Variants in PDE10A observed in about 807,000 individuals in gnomAD.
PDE10A encodes the protein cAMP and cAMP-inhibited cGMP 3',5'-cyclic phosphodiesterase 10A.
In PDE10A, 39 loss-of-function variants were observed where a neutral mutation model predicts 97.7. The observed-to-expected ratio is 0.40, with a 90% CI of 0.31 to 0.52. The LOEUF is 0.52. Among genes scored for constraint, PDE10A ranks in the 20% least tolerant of loss-of-function variants. The pLI, the probability that PDE10A is intolerant of heterozygous loss-of-function variation, is 0.56. For missense variants in PDE10A, 731 were observed against 1,047.8 expected, an observed-to-expected ratio of 0.70 and a Z score of 4.17; for synonymous variants, 371 against 376.8, an observed-to-expected ratio of 0.98 and a Z score of 0.18.
chr6:165,492,970 T>A (rs1189815751), intron 2 of PDE10A, among the ~76,000 whole-genome samples: 1 of 152,162 alleles, frequency 6.6e-6, no homozygotes, highest in African/African-American at 2.4e-5. Context: ...CTAAAACTGG[T>A]AAACGAATTC....
chr6:165,799,612 G>C (rs1377869533), intron 1 of PDE10A, among the ~76,000 whole-genome samples: 1 of 152,138 alleles, frequency 6.6e-6, no homozygotes, highest in Admixed American at 6.5e-5. Context: ...TATGCATCAA[G>C]CTTCTATGTG....
At chr6:165,803,906 T>C (rs1329010682) in intron 1 of PDE10A, among the ~76,000 whole-genome samples, 1 of 152,216 alleles carries the variant, frequency 6.6e-6, no homozygotes, top group Non-Finnish European at 1.5e-5. Context: ...GGTCTCATCA[T>C]CTGCCTCCCT....
At chr6:165,564,461 A>C (rs1478962063) in intron 1 of PDE10A, among the ~76,000 whole-genome samples, 1 of 152,194 alleles carries the variant, frequency 6.6e-6, no homozygotes, top group African/African-American at 2.4e-5. Flanking sequence ...ATTACTAAGA[A>C]ATGGTTGTTT....
intron 1 of PDE10A, among the ~76,000 whole-genome samples, chr6:165,699,101 A>G (rs1791508212): frequency 6.6e-6 from 1 of 152,218 alleles, no homozygotes; most frequent in Non-Finnish European, 1.5e-5. Context: ...CAAGAGATAC[A>G]CTTTAGATTT....
chr6:165,577,737 C>A (rs6922769), intron 1 of PDE10A, among the ~76,000 whole-genome samples: 90,886 of 152,074 alleles, frequency 0.6, 31,555 homozygotes, highest in Non-Finnish European at 0.78. Flanking sequence ...GCAGCCACAG[C>A]GAAGGTGGCA....
chr6:165,372,126 G>A (rs1307541035), intron 18 of PDE10A, among the ~76,000 whole-genome samples: 1 of 148,468 alleles, frequency 6.7e-6, no homozygotes, highest in Non-Finnish European at 1.5e-5. Flanking sequence ...ATATCATACT[G>A]AATGGGCAAA....
intron 1 of PDE10A, among the ~76,000 whole-genome samples, chr6:165,798,180 T>C (rs1461692202): frequency 6.6e-6 from 1 of 152,244 alleles, no homozygotes; most frequent in Non-Finnish European, 1.5e-5. Context: ...TTCTCAAAAA[T>C]AATATCACCA....
intron 1 of PDE10A, among the ~76,000 whole-genome samples, chr6:165,616,679 T>C (rs997295229): frequency 6.6e-6 from 1 of 152,214 alleles, no homozygotes; most frequent in Non-Finnish European, 1.5e-5. Context: ...CTAGCACAAA[T>C]GAATTATCAT....
chr6:165,337,902 C>T (rs1003439335), intron 20 of PDE10A, among the ~76,000 whole-genome samples: 1 of 151,988 alleles, frequency 6.6e-6, no homozygotes, highest in Non-Finnish European at 1.5e-5. Context: ...GTCAATAAAT[C>T]AAATGGAAAG....
rs1011515866 is a variant in PDE10A at position 165,328,182 on chromosome 6, C to A, written c.*4843G>T. On this transcript the variant is annotated 3_prime_UTR_variant, in exon 22 of 22. Transcript: ENST00000539869. Reference sequence around the variant, plus strand: ...ATGAACACATAGCATATACACCATACAACAGATCATATGGAAAATAATATT... The same window carrying A: ...ATGAACACATAGCATATACACCATAAAACAGATCATATGGAAAATAATATT... 2 of 152,148 alleles carry A rather than the reference C, an allele frequency of 1.3e-5. No individual in the cohort carries two copies. Among genetic ancestry groups the A allele is most frequent in the African/African-American group, 4.8e-5 (2 of 41,422 alleles). The allele number at this position is 152,148 out of a possible 1,614,324, so 9.4% of individuals were successfully genotyped here.
chr6:165,849,105 T>G (rs1372917836), intron 1 of PDE10A, among the ~76,000 whole-genome samples: 4 of 152,258 alleles, frequency 2.6e-5, no homozygotes, highest in African/African-American at 9.6e-5. Context: ...TGATTTTAAC[T>G]CAGAAATTCT....
chr6:165,683,746 T>G (rs1189771293), intron 1 of PDE10A, among the ~76,000 whole-genome samples: 1 of 152,178 alleles, frequency 6.6e-6, no homozygotes, highest in Non-Finnish European at 1.5e-5. Flanking sequence ...AGTGCAGCAG[T>G]GCAGGGCAGT....
intron 1 of PDE10A, among the ~76,000 whole-genome samples, chr6:165,643,293 G>A (rs539421815): frequency 2.6e-5 from 3 of 114,244 alleles, no homozygotes; most frequent in East Asian, 2.5e-4. Flanking sequence ...ACAGATGAAC[G>A]GATGGGTGTA....
At chr6:165,848,101 T>TCC (rs1780471195) in intron 1 of PDE10A, among the ~76,000 whole-genome samples, 1 of 134,486 alleles carries the variant, frequency 7.4e-6, no homozygotes, top group Non-Finnish European at 1.7e-5. Context: ...TTTTTTTTTT[T>TCC]CTCAGGTTCA....
chr6:165,338,962 C>T (rs576995784), intron 20 of PDE10A, among the ~76,000 whole-genome samples: 29 of 152,276 alleles, frequency 1.9e-4, no homozygotes, highest in Middle Eastern at 6.8e-3. Flanking sequence ...GCCTTGGGAA[C>T]AAAATCAGTG....
At chr6:165,908,054 A>C (rs1339776965) in intron 1 of PDE10A, among the ~76,000 whole-genome samples, 2 of 152,248 alleles carry the variant, frequency 1.3e-5, no homozygotes, top group East Asian at 3.9e-4. Context: ...TGTTTCCAAA[A>C]ACCCGGAGGA....
intron 1 of PDE10A, among the ~76,000 whole-genome samples, chr6:165,704,076 G>A (rs377056169): frequency 5.3e-4 from 81 of 152,270 alleles, no homozygotes; most frequent in Middle Eastern, 3.4e-3. Context: ...AACTGCAGCC[G>A]TGCCACGTAC....
intron 13 of PDE10A, among the ~76,000 whole-genome samples, chr6:165,399,788 G>C (rs1161843471): frequency 1.3e-5 from 2 of 152,164 alleles, no homozygotes; most frequent in Non-Finnish European, 2.9e-5. Context: ...GTATTCCATG[G>C]TGTATATGTG....
chr6:165,674,394 C>T (rs1790735545), intron 1 of PDE10A, among the ~76,000 whole-genome samples: 1 of 151,986 alleles, frequency 6.6e-6, no homozygotes, highest in African/African-American at 2.4e-5. Context: ...CTAGATCCGC[C>T]ACATCCCAGC....
Sources: gnomAD v4.1 joint callset for allele counts (sites outside exome capture counted in the v4.1 genomes callset) on GRCh38, gnomAD v4.1.1 for gene constraint, MANE v1.5 for transcripts, NCBI Gene and HGNC (gene_info 2026-07-23, HGNC 2026-07-21) for gene names.